WHRN: variants seen among roughly 807,000 people sequenced by gnomAD.
WHRN encodes whirlin, also known as CASK-interacting protein CIP98.
In WHRN, 41 loss-of-function variants were observed where a neutral mutation model predicts 68.3. That is an observed-to-expected ratio of 0.60 (90% confidence interval 0.47 to 0.78). WHRN has a LOEUF of 0.78. Among genes scored for constraint, WHRN ranks in the 30% least tolerant of loss-of-function variants. The pLI, the probability that WHRN is intolerant of heterozygous loss-of-function variation, is 0.00. For missense variants in WHRN, 1,243 were observed against 1,244.7 expected (o/e 1.00, Z 0.02); for synonymous variants, 560 against 561.3 (o/e 1.00, Z 0.03).
chr9:114,495,425 G>A (rs1843371153), intron 1 of WHRN, among the ~76,000 whole-genome samples: 1 of 152,220 alleles, frequency 6.6e-6, no homozygotes, highest in Non-Finnish European at 1.5e-5. Context: ...CTGGAAAGAA[G>A]TAAAGCCTGG....
At chr9:114,408,665 T>G (rs1835211894) in intron 7 of WHRN, among the ~76,000 whole-genome samples, 1 of 152,238 alleles carries the variant, frequency 6.6e-6, no homozygotes, top group Non-Finnish European at 1.5e-5. Flanking sequence ...GGGAGCCAGT[T>G]CTCTCGGCCC....
intron 2 of WHRN, among the ~76,000 whole-genome samples, chr9:114,471,192 A>G (rs1450425599): frequency 1.3e-5 from 2 of 152,124 alleles, no homozygotes; most frequent in Non-Finnish European, 2.9e-5. Flanking sequence ...AAATAACACC[A>G]CTACTGCTAA....
chr9:114,451,098 T>C (rs1269477855), intron 3 of WHRN, among the ~76,000 whole-genome samples: 2 of 152,232 alleles, frequency 1.3e-5, no homozygotes, highest in Admixed American at 1.3e-4. Context: ...GGCATTGGCA[T>C]GCAAGAGATC....
At chr9:114,450,823 GTT>G (rs1554725555) in intron 3 of WHRN, among the ~76,000 whole-genome samples, 2 of 142,242 alleles carry the variant, frequency 1.4e-5, no homozygotes, top group Admixed American at 7.3e-5. Context: ...ATTATTATTA[GTT>G]TCCCCCCCCG....
At chr9:114,425,773 C>A (rs1027718155) in intron 4 of WHRN, 2 of 266,204 alleles carry the variant, frequency 7.5e-6, no homozygotes, top group Non-Finnish European at 1.5e-5. Flanking sequence ...AACTGGATCT[C>A]AGTTTATGAC....
At position 114,467,030 on chromosome 9, in the gene WHRN, G is replaced by A. The variant is rs542152991; in HGVS notation, c.838-638C>T. Among the ~76,000 whole-genome samples the A allele has an allele frequency of 1.3e-4, 19 of 150,818 alleles. No homozygotes were observed. The South Asian group carries it at 3.8e-3, about 30-fold the overall frequency. ...CCAGGGGTCTCCTGTCACCTCAGGG[G>A]TATCCTGTCACCCCAGGGATCTCTT... On this transcript the variant is annotated intron_variant, in intron 2 of 11. Transcript: ENST00000362057.
At chr9:114,493,757 C>T (rs1357775119) in intron 1 of WHRN, among the ~76,000 whole-genome samples, 1 of 152,256 alleles carries the variant, frequency 6.6e-6, no homozygotes, top group Non-Finnish European at 1.5e-5. Flanking sequence ...AATGCCACCT[C>T]TGTCCCTGAA....
At position 114,432,962 on chromosome 9, in the gene WHRN, C is replaced by T. The variant is rs183832328; in HGVS notation, c.964-6549G>A. Among the ~76,000 whole-genome samples, 9 of 152,188 alleles carry T rather than the reference C, an allele frequency of 5.9e-5. No individual in the cohort carries two copies. The East Asian group carries it at 1.7e-3, about 30-fold the overall frequency. On this transcript the variant is annotated intron_variant, in intron 3 of 11. Transcript: ENST00000362057. ...ACCTACCTTCCCCAGGGCCCTGCCT[C>T]TGGCTTCCACTGACCTACACACATT...
Position 114,424,395 on chromosome 9 carries a change from C to T in WHRN, c.1355G>A (p.Gly452Asp). The T allele has an allele frequency of 6.2e-7, 1 of 1,612,800 alleles. No individual in the cohort carries two copies. Among genetic ancestry groups the T allele is most frequent in the South Asian group, 1.1e-5 (1 of 91,020 alleles). ...GACGAGGGCCTCCACAGAGACGCTG[C>T]CACCACGGTACTCATCCAGGTAGTA... is the stretch of plus-strand genomic sequence containing the variant. The part of the protein sequence containing the change: ...MAYYLDEYRG[G>D]SVSVEALVMA... Residue 452 changes from glycine to aspartate, a missense_variant, in exon 6 of 12, where the codon GGC (glycine) becomes GAC (aspartate). Physicochemically the swap from Gly to Asp is moderately conservative, Grantham distance 94. Coordinates refer to ENST00000362057, the MANE Select transcript of WHRN (RefSeq NM_015404.4).
intron 7 of WHRN, among the ~76,000 whole-genome samples, chr9:114,415,957 G>T (rs1835787330): frequency 6.6e-6 from 1 of 152,126 alleles, no homozygotes; most frequent in Non-Finnish European, 1.5e-5. Context: ...GGAGGGGCCT[G>T]AGACAAGCCT....
intron 1 of WHRN, among the ~76,000 whole-genome samples, chr9:114,489,196 G>GT (rs1842766080): frequency 6.6e-6 from 1 of 152,154 alleles, no homozygotes; most frequent in Non-Finnish European, 1.5e-5. Flanking sequence ...GCAAGAAATT[G>GT]TTGTGGCTTG....
intron 3 of WHRN, among the ~76,000 whole-genome samples, chr9:114,453,073 T>A (rs536403880): frequency 7.9e-5 from 12 of 152,314 alleles, no homozygotes; most frequent in African/African-American, 2.9e-4. Flanking sequence ...TATAAAGGAA[T>A]ACCTGAGGCT....
At chr9:114,495,067 G>C (rs1378471701) in intron 1 of WHRN, among the ~76,000 whole-genome samples, 1 of 152,204 alleles carries the variant, frequency 6.6e-6, no homozygotes, top group Non-Finnish European at 1.5e-5. Context: ...GGTGGAGAGA[G>C]TGAAAGCCTT....
At chr9:114,503,350 G>C (rs2133459959) in intron 1 of WHRN, 1 of 232,846 alleles carries the variant, frequency 4.3e-6, no homozygotes, top group South Asian at 1.6e-4. Flanking sequence ...AGGGGGGAAG[G>C]GGGAAAAATG....
In WHRN at chr9:114,404,062, G is replaced by A. The variant is rs762804989; in HGVS notation, c.2252C>T (p.Ser751Phe). ...AGTCTGCCCGCTGTCCGAGAGCTGG[G>A]AGAGCGTAGAGGCTGCTGGAGAGGG... ...LPQTRTASTL[S>F]QLSDSGQTLS... The change falls in exon 10 of 12, where the codon TCC (serine) becomes TTC (phenylalanine). Residue 751 changes from serine to phenylalanine, a missense_variant. Physicochemically the swap from Ser to Phe is radical, Grantham distance 155. Coordinates refer to ENST00000362057, the MANE Select transcript of WHRN (RefSeq NM_015404.4). 1.9e-6 allele frequency: 3 copies of A among 1,613,144 alleles called. No homozygotes were observed. In the East Asian group the frequency reaches 6.7e-5, roughly 36 times the overall value.
intron 1 of WHRN, among the ~76,000 whole-genome samples, chr9:114,499,622 G>A (rs1211652038): frequency 6.6e-6 from 1 of 152,202 alleles, no homozygotes; most frequent in Non-Finnish European, 1.5e-5. Context: ...ATGGAGGGGG[G>A]ATTATGACTC....
At chr9:114,428,188 C>G (rs575733957) in intron 3 of WHRN, among the ~76,000 whole-genome samples, 1 of 152,138 alleles carries the variant, frequency 6.6e-6, no homozygotes, top group African/African-American at 2.4e-5. Context: ...ATTAGCCCGG[C>G]GAGGTGGTGC....
Position 114,407,959 on chromosome 9 carries a change from T to C in WHRN, c.1686A>G (p.Pro562=). 6.2e-7 allele frequency: 1 copy of C among 1,602,468 alleles called. No homozygotes were observed. The highest frequency in any genetic ancestry group is 1.7e-4 in the Middle Eastern group (1 of 6,042). Residue 562 remains proline (P), a synonymous_variant, in exon 8 of 12, where the codon CCA becomes CCG. Coordinates refer to ENST00000362057, the MANE Select transcript of WHRN (RefSeq NM_015404.4). The part of the protein sequence containing the change: ...EAVQGNINAL[P]DVSVDDVRST... ...GCCAGGGCCTTACCACGGACACATC[T>C]GGGAGGGCGTTGATATTGCCCTGGA...
intron 1 of WHRN, among the ~76,000 whole-genome samples, chr9:114,495,493 G>A (rs1054493652): frequency 2.0e-5 from 3 of 152,312 alleles, no homozygotes; most frequent in East Asian, 1.9e-4. Context: ...TGGGGAACAA[G>A]AGCAGGGGAA....
Sources: allele counts gnomAD v4.1 joint callset (sites outside exome capture counted in the v4.1 genomes callset), GRCh38; gene constraint gnomAD v4.1.1; transcripts MANE v1.5; gene names NCBI Gene and HGNC (gene_info 2026-07-23, HGNC 2026-07-21).